DPP6: variants seen among roughly 807,000 people sequenced by gnomAD.
DPP6 encodes dipeptidyl peptidase like 6.
A neutral mutation model predicts 122.6 loss-of-function variants in DPP6; 69 were observed. That is an observed-to-expected ratio of 0.56 (90% CI 0.46 to 0.69). DPP6 has a LOEUF of 0.69. Among genes scored for constraint, DPP6 ranks in the 30% least tolerant of loss-of-function variants. The pLI is 0.00. For synonymous variants in DPP6, 418 were observed against 433.1 expected, an observed-to-expected ratio of 0.97 and a Z score of 0.43; for missense variants, 928 against 1,116.9, an observed-to-expected ratio of 0.83 and a Z score of 2.41.
At chr7:154,135,129 C>T (rs1379365050) in intron 1 of DPP6, among the ~76,000 whole-genome samples, 2 of 151,850 alleles carry the variant, frequency 1.3e-5, no homozygotes, top group East Asian at 3.9e-4. Flanking sequence ...TGTACACTTC[C>T]TTTGAGCCCA....
chr7:154,063,239 G>A (rs374095223), intron 1 of DPP6, among the ~76,000 whole-genome samples: 1 of 119,712 alleles, frequency 8.4e-6, no homozygotes, highest in Non-Finnish European at 1.8e-5. Flanking sequence ...CTGAGAGCCA[G>A]CCCCTATTCC....
At chr7:154,777,498 T>A (rs1796655143) in intron 10 of DPP6, among the ~76,000 whole-genome samples, 1 of 151,958 alleles carries the variant, frequency 6.6e-6, no homozygotes, top group African/African-American at 2.4e-5. Context: ...TGGAAAAAAA[T>A]AAATGCAAAT....
rs114691997 is a variant in DPP6 at position 154,476,670 on chromosome 7, A to G, written c.457+1633A>G. Reference sequence around the variant, plus strand: ...AGGAGCTTGTTAGAGAAAGCTAAGAATAGAGCCCTGGAAGAATGTTAGGTC... The same window carrying G: ...AGGAGCTTGTTAGAGAAAGCTAAGAGTAGAGCCCTGGAAGAATGTTAGGTC... On this transcript the variant is annotated intron_variant, in intron 3 of 25. Transcript: ENST00000377770. Among the ~76,000 whole-genome samples the G allele has an allele frequency of 7.9e-3, 1,206 of 152,344 alleles. 17 individuals carry two copies. The highest frequency in any genetic ancestry group is 0.027 in the African/African-American group (1,130 of 41,576).
intron 1 of DPP6, among the ~76,000 whole-genome samples, chr7:153,916,132 A>G (rs1274727538): frequency 2.0e-5 from 3 of 150,512 alleles, no homozygotes; most frequent in Admixed American, 1.3e-4. Context: ...GCGCCTGGCT[A>G]ATGTTTTTTT....
chr7:153,875,673 G>C, the DPP6 span, among the ~76,000 whole-genome samples: 1 of 151,670 alleles, frequency 6.6e-6, no homozygotes, highest in Non-Finnish European at 1.5e-5. Flanking sequence ...GAATTTATGG[G>C]GTAAACACTG....
chr7:154,045,355 C>A (rs1325601592), intron 1 of DPP6, among the ~76,000 whole-genome samples: 1 of 152,172 alleles, frequency 6.6e-6, no homozygotes, highest in East Asian at 1.9e-4. Flanking sequence ...TTCCAGGTCA[C>A]CTTGGTGCCG....
chr7:154,077,370 T>G (rs2150521564), intron 1 of DPP6, among the ~76,000 whole-genome samples: 1 of 152,302 alleles, frequency 6.6e-6, no homozygotes, highest in South Asian at 2.1e-4. Flanking sequence ...GGACCCTTTA[T>G]TTTTCATCCC....
At chr7:154,891,883 T>G (rs1806642108) in intron 25 of DPP6, among the ~76,000 whole-genome samples, 1 of 152,168 alleles carries the variant, frequency 6.6e-6, no homozygotes, top group Non-Finnish European at 1.5e-5. Flanking sequence ...TCTATTTCTT[T>G]TCAGAGCCTG....
At position 154,481,606 on chromosome 7, in the gene DPP6, T is replaced by C. The variant is rs1823310651; in HGVS notation, c.457+6569T>C. Among the ~76,000 whole-genome samples the C allele has an allele frequency of 1.3e-5, 2 of 151,930 alleles. No homozygotes were observed. The highest frequency in any genetic ancestry group is 2.4e-5 in the African/African-American group (1 of 41,338). On this transcript the variant is annotated intron_variant, in intron 3 of 25. Transcript: ENST00000377770. The surrounding 1 kb of genome is among the most constrained non-coding windows in gnomAD (Gnocchi z 4.2). ...CATTGGCCATCTCCCCAGTTTTCTC[T>C]TAAACTTTGCCTACGTGAACTTCTT... is the stretch of plus-strand genomic sequence containing the variant.
chr7:154,370,908 G>A (rs1162223850), intron 1 of DPP6, among the ~76,000 whole-genome samples: 1 of 152,304 alleles, frequency 6.6e-6, no homozygotes, highest in East Asian at 1.9e-4. Flanking sequence ...AGCCTGACAG[G>A]TGTGGAAACA....
At chr7:154,056,560 C>CT (rs1800833518) in intron 1 of DPP6, among the ~76,000 whole-genome samples, 1 of 152,040 alleles carries the variant, frequency 6.6e-6, no homozygotes, top group Non-Finnish European at 1.5e-5. Flanking sequence ...CAGTGTGTTC[C>CT]TGTATCCTTC....
rs573870815 is a variant in DPP6 at position 154,584,487 on chromosome 7, T to C, written c.627+17571T>C. On this transcript the variant is annotated intron_variant, in intron 5 of 25. Coordinates refer to ENST00000377770, the MANE Select transcript of DPP6 (RefSeq NM_130797.4). ...GGCTTGGGACATGGCTGATCCACAA[T>C]AGAGCCTCGAGAAATATCCGACCCA... is the stretch of plus-strand genomic sequence containing the variant. Among the ~76,000 whole-genome samples the C allele has an allele frequency of 5.9e-5, 9 of 152,324 alleles. No individual in the cohort carries two copies. The South Asian group carries it at 1.7e-3, about 28-fold the overall frequency.
In DPP6 at chr7:154,892,424, A is replaced by G. The variant is rs1028629293; in HGVS notation, c.2542A>G (p.Arg848Gly). 11 of 1,614,060 alleles carry G rather than the reference A, an allele frequency of 6.8e-6. No homozygotes were observed. The highest frequency in any genetic ancestry group is 7.6e-6 in the Non-Finnish European group (9 of 1,179,896). ...SIINFFVECF[R>G]IQDKLLTVTA... ...CATCAACTTCTTCGTGGAATGCTTC[A>G]GGATCCAGGACAAACTGCTGACAGT... Residue 848 changes from arginine (R) to glycine (G), a missense_variant, in exon 26 of 26, where the codon AGG (arginine) becomes GGG (glycine). Physicochemically the swap from Arg to Gly is moderately radical, Grantham distance 125. Transcript: ENST00000377770.
chr7:154,134,344 C>T (rs1795434956), intron 1 of DPP6, among the ~76,000 whole-genome samples: 2 of 152,158 alleles, frequency 1.3e-5, no homozygotes, highest in Admixed American at 1.3e-4. Flanking sequence ...ATTGCCCTGA[C>T]ATTATCTGAT....
chr7:154,063,580 C>T (rs141737942), intron 1 of DPP6, among the ~76,000 whole-genome samples: 3,225 of 113,026 alleles, frequency 0.029, 373 homozygotes, highest in Non-Finnish European at 0.04. Flanking sequence ...CCGCCTCTGG[C>T]TGATAGTACC....
At chr7:154,425,620 G>GT (rs1491277874) in intron 1 of DPP6, among the ~76,000 whole-genome samples, 267 of 107,876 alleles carry the variant, frequency 2.5e-3, no homozygotes, top group Non-Finnish European at 1.4e-3. Context: ...GTGTGTGTGT[G>GT]GGTGTGTGTG....
chr7:154,621,775 C>T (rs554012989), intron 5 of DPP6, among the ~76,000 whole-genome samples: 21 of 152,206 alleles, frequency 1.4e-4, no homozygotes, highest in African/African-American at 4.1e-4. Context: ...TCATGCCTAC[C>T]GTTTATCTGT....
chr7:154,836,875 T>G (rs915937542), intron 16 of DPP6, among the ~76,000 whole-genome samples: 3 of 151,980 alleles, frequency 2.0e-5, no homozygotes, highest in Non-Finnish European at 4.4e-5. Flanking sequence ...CCCAGCTAAT[T>G]TTTGTATTTT....
chr7:154,531,514 C>T (rs1157849843), intron 3 of DPP6, among the ~76,000 whole-genome samples: 14 of 152,144 alleles, frequency 9.2e-5, no homozygotes, highest in Admixed American at 9.2e-4. Flanking sequence ...CCAGCAGACC[C>T]ATACAAAAAG....
Sources: allele counts gnomAD v4.1 joint callset (sites outside exome capture counted in the v4.1 genomes callset), GRCh38; gene constraint gnomAD v4.1.1; non-coding constraint Gnocchi (gnomAD v3.1); transcripts MANE v1.5; gene names NCBI Gene and HGNC (gene_info 2026-07-23, HGNC 2026-07-21).